SLX4IP: variants seen among roughly 807,000 people sequenced by gnomAD.
The protein encoded by SLX4IP is SLX4 interacting protein, also known as protein SLX4IP.
Under a neutral mutation model 32.9 loss-of-function variants are expected in SLX4IP, and 34 were observed. The ratio of observed to expected loss-of-function variants is 1.03; its 90% CI spans 0.79 to 1.38. The LOEUF (loss-of-function observed/expected upper bound fraction) is 1.38, where lower values mean the gene tolerates loss of function less well. Ranked by LOEUF, SLX4IP falls within the 40% of genes most tolerant of loss-of-function variation. The probability of loss-of-function intolerance (pLI) is 0.00; values close to 1 mark genes in which losing one functional copy is unlikely to be tolerated. For synonymous variants in SLX4IP, 172 were observed against 171.7 expected (o/e 1.00, Z -0.01); for missense variants, 444 against 479.0 (o/e 0.93, Z 0.68).
intron 6 of SLX4IP, among the ~76,000 whole-genome samples, chr20:10,612,389 A>G (rs1401133495): frequency 6.6e-6 from 1 of 152,202 alleles, no homozygotes; most frequent in Non-Finnish European, 1.5e-5. Context: ...CTCGTGTGCC[A>G]GGAGCCTCAG....
At chr20:10,490,256 TATA>T (rs2065611419) in intron 2 of SLX4IP, among the ~76,000 whole-genome samples, 1 of 152,128 alleles carries the variant, frequency 6.6e-6, no homozygotes, top group South Asian at 2.1e-4. Flanking sequence ...TATGAGTATT[TATA>T]ATATCATTTT....
intron 6 of SLX4IP, among the ~76,000 whole-genome samples, chr20:10,615,966 TA>T (rs974703885): frequency 4.6e-5 from 7 of 152,134 alleles, no homozygotes; most frequent in African/African-American, 1.7e-4. Context: ...CCCCACCTCT[TA>T]ATACCATCAC....
intron 7 of SLX4IP, among the ~76,000 whole-genome samples, chr20:10,621,891 A>G (rs561938117): frequency 6.6e-6 from 1 of 152,188 alleles, no homozygotes; most frequent in African/African-American, 2.4e-5. Flanking sequence ...TGCCATTCAC[A>G]AACCTGTAAA....
intron 2 of SLX4IP, among the ~76,000 whole-genome samples, chr20:10,491,071 T>TTAA (rs2065618775): frequency 6.6e-6 from 1 of 150,670 alleles, no homozygotes; most frequent in Non-Finnish European, 1.5e-5. Flanking sequence ...GGCTCCACTT[T>TTAA]AAAAAAAAAC....
intron 4 of SLX4IP, among the ~76,000 whole-genome samples, chr20:10,587,504 A>C (rs2066659472): frequency 6.6e-6 from 1 of 152,154 alleles, no homozygotes; most frequent in Non-Finnish European, 1.5e-5. Flanking sequence ...ATACAGGTGA[A>C]AAAATTGGAG....
intron 1 of SLX4IP, among the ~76,000 whole-genome samples, chr20:10,457,925 A>G (rs1490585192): frequency 6.6e-6 from 1 of 151,212 alleles, no homozygotes; most frequent in Non-Finnish European, 1.5e-5. Context: ...TGAGTCTCCC[A>G]CTTTGGCCTC....
rs1342657358 is a variant in SLX4IP at position 10,473,411 on chromosome 20, G to T, written c.27+15180G>T. Among the ~76,000 whole-genome samples the T allele has an allele frequency of 2.6e-5, 4 of 152,278 alleles. No homozygotes were observed. The East Asian group carries it at 7.7e-4, about 29-fold the overall frequency. ...TTTTATTGTACTGGTTATTGAGAGGGTTAAATAAAAGGATTCGTATAAAGT... is the reference window on the plus strand; with the variant it reads ...TTTTATTGTACTGGTTATTGAGAGGTTTAAATAAAAGGATTCGTATAAAGT... On this transcript the variant is annotated intron_variant, in intron 2 of 7. Coordinates refer to ENST00000334534, the MANE Select transcript of SLX4IP (RefSeq NM_001009608.3).
chr20:10,492,665 A>G (rs560191815), intron 2 of SLX4IP, among the ~76,000 whole-genome samples: 71 of 152,306 alleles, frequency 4.7e-4, no homozygotes, highest in African/African-American at 1.6e-3. Flanking sequence ...GGACTGATAT[A>G]TCAGTCTTTT....
intron 2 of SLX4IP, among the ~76,000 whole-genome samples, chr20:10,484,521 T>C (rs191148381): frequency 2.0e-5 from 3 of 152,188 alleles, no homozygotes; most frequent in African/African-American, 7.2e-5. Context: ...GGTGAAGACT[T>C]CTCTCTGCTT....
At chr20:10,526,018 C>G (rs765312240) in intron 2 of SLX4IP, among the ~76,000 whole-genome samples, 1 of 152,140 alleles carries the variant, frequency 6.6e-6, no homozygotes, top group Non-Finnish European at 1.5e-5. Flanking sequence ...CCATGGAGTC[C>G]TCTCCCTGCT....
intron 2 of SLX4IP, among the ~76,000 whole-genome samples, chr20:10,532,960 A>G (rs545587897): frequency 6.6e-6 from 1 of 152,094 alleles, no homozygotes. Context: ...TATTTTTAGT[A>G]CAGATGGGGT....
intron 2 of SLX4IP, among the ~76,000 whole-genome samples, chr20:10,472,250 A>G: frequency 7.8e-6 from 1 of 128,264 alleles, no homozygotes. Flanking sequence ...TTTTTTTTTG[A>G]GATGGAGTCT....
chr20:10,468,745 G>A lies in SLX4IP; in HGVS notation c.27+10514G>A, dbSNP rs558666882. On this transcript the variant is annotated intron_variant, in intron 2 of 7. Transcript: ENST00000334534. ...CCCATATTGATTTCTCTCTTGCTAT[G>A]TGTTTTTTTGACTGTTATGTGCAGT... Among the ~76,000 whole-genome samples the A allele has an allele frequency of 1.2e-3, 189 of 152,052 alleles. 1 individual carries two copies. The highest frequency in any genetic ancestry group is 4.4e-3 in the African/African-American group (182 of 41,488).
At chr20:10,436,674 C>G (rs1358444616) in intron 1 of SLX4IP, among the ~76,000 whole-genome samples, 1 of 152,140 alleles carries the variant, frequency 6.6e-6, no homozygotes, top group Non-Finnish European at 1.5e-5. Flanking sequence ...CTTTGTTCAA[C>G]CCGTGCTTCT....
chr20:10,518,011 G>A (rs559903815), intron 2 of SLX4IP, among the ~76,000 whole-genome samples: 1 of 152,248 alleles, frequency 6.6e-6, no homozygotes, highest in South Asian at 2.1e-4. Context: ...CCTACTGGGA[G>A]TGGGGAGGGG....
intron 2 of SLX4IP, among the ~76,000 whole-genome samples, chr20:10,503,537 G>A (rs939318127): frequency 5.9e-5 from 9 of 152,200 alleles, no homozygotes; most frequent in Non-Finnish European, 1.2e-4. Context: ...GCTTTCCTCT[G>A]AAAGGCATCA....
chr20:10,566,851 A>G (rs2066400383), intron 4 of SLX4IP, among the ~76,000 whole-genome samples: 1 of 152,158 alleles, frequency 6.6e-6, no homozygotes, highest in African/African-American at 2.4e-5. Flanking sequence ...AAGTCTGTGG[A>G]TGATGTGGCT....
intron 2 of SLX4IP, among the ~76,000 whole-genome samples, chr20:10,548,178 T>C (rs982249391): frequency 2.6e-5 from 4 of 152,158 alleles, no homozygotes; most frequent in Non-Finnish European, 5.9e-5. Flanking sequence ...AAGAGATTCA[T>C]GGTCTTTGGA....
intron 2 of SLX4IP, among the ~76,000 whole-genome samples, chr20:10,526,183 C>T (rs1458699136): frequency 6.6e-6 from 1 of 152,170 alleles, no homozygotes; most frequent in Non-Finnish European, 1.5e-5. Flanking sequence ...GGGTTCTTCC[C>T]CAATATTCTA....
Sources: allele counts gnomAD v4.1 joint callset (sites outside exome capture counted in the v4.1 genomes callset), GRCh38; gene constraint gnomAD v4.1.1; transcripts MANE v1.5; gene names NCBI Gene and HGNC (gene_info 2026-07-23, HGNC 2026-07-21).